Variants in LIPH observed in about 807,000 individuals in gnomAD.
LIPH encodes lipase member H.
LIPH carries 32 observed loss-of-function variants against 47.6 expected under a neutral mutation model. The ratio of observed to expected loss-of-function variants is 0.67; its 90% CI spans 0.51 to 0.90. The LOEUF is 0.90. Among genes scored for constraint, LIPH ranks in the 40% least tolerant of loss-of-function variants. LIPH has a pLI of 0.00. For missense variants in LIPH, 497 were observed against 541.4 expected, an observed-to-expected ratio of 0.92 and a Z score of 0.81; for synonymous variants, 190 against 195.6, an observed-to-expected ratio of 0.97 and a Z score of 0.24.
intron 6 of LIPH, among the ~76,000 whole-genome samples, chr3:185,518,261 T>C (rs893099941): frequency 1.6e-4 from 24 of 152,166 alleles, no homozygotes; most frequent in African/African-American, 5.6e-4. Context: ...GCTTTTCTTT[T>C]CTTTTTTCTT....
At chr3:185,517,917 T>C (rs1028264615) in intron 6 of LIPH, among the ~76,000 whole-genome samples, 1 of 152,138 alleles carries the variant, frequency 6.6e-6, no homozygotes, top group Non-Finnish European at 1.5e-5. Context: ...TACTAATCCC[T>C]AGCGAATATC....
chr3:185,540,734 A>G (rs565173143), intron 1 of LIPH, among the ~76,000 whole-genome samples: 202 of 152,230 alleles, frequency 1.3e-3, no homozygotes, highest in African/African-American at 3.9e-3. Flanking sequence ...CCAAAAAAAA[A>G]AAAAAAAGAA....
At chr3:185,515,505 G>A (rs990524823) in intron 7 of LIPH, among the ~76,000 whole-genome samples, 2 of 151,044 alleles carry the variant, frequency 1.3e-5, no homozygotes, top group African/African-American at 4.9e-5. Context: ...GAAACCCAGT[G>A]ATCTGCAGGC....
At chr3:185,525,059 A>G (rs982459693) in intron 4 of LIPH, among the ~76,000 whole-genome samples, 1 of 151,934 alleles carries the variant, frequency 6.6e-6, no homozygotes, top group African/African-American at 2.4e-5. Flanking sequence ...TACAAAATAT[A>G]CAAAAATTAG....
At chr3:185,524,015 C>T in intron 5 of LIPH, 56 bp downstream of exon 5, 2 of 1,227,680 alleles carry the variant, frequency 1.6e-6, no homozygotes, top group Non-Finnish European at 2.4e-6. Flanking sequence ...AGCCACCATG[C>T]ACAGCCTCCA....
At chr3:185,534,671 C>T (rs994804586) in intron 2 of LIPH, 94 bp downstream of exon 2, 14 of 1,302,342 alleles carry the variant, frequency 1.1e-5, no homozygotes, top group Admixed American at 1.8e-5. Context: ...GCAATATAGG[C>T]CTCCTGCTCA....
intron 1 of LIPH, among the ~76,000 whole-genome samples, chr3:185,538,396 A>G (rs187331138): frequency 1.3e-5 from 2 of 152,304 alleles, no homozygotes; most frequent in Admixed American, 1.3e-4. Flanking sequence ...GTGTCATATA[A>G]AAGAGATAGA....
chr3:185,519,341 A>AG (rs1169479784), intron 5 of LIPH, 32 bp from the exon 6 acceptor site: 1 of 1,456,194 alleles, frequency 6.9e-7, no homozygotes, highest in Admixed American at 1.7e-5. Context: ...GAAAGAGTAG[A>AG]GCGGTTGAAG....
At chr3:185,527,369 A>G in intron 4 of LIPH, 115 bp downstream of exon 4, 1 of 821,102 alleles carries the variant, frequency 1.2e-6, no homozygotes, top group East Asian at 2.5e-5. Flanking sequence ...CCCTGCCTGG[A>G]AAAAAAAGTT....
At chr3:185,516,330 T>A (rs1236406676) in intron 7 of LIPH, among the ~76,000 whole-genome samples, 2 of 150,964 alleles carry the variant, frequency 1.3e-5, no homozygotes, top group African/African-American at 4.9e-5. Flanking sequence ...GTACTCGGAA[T>A]CCTGAGGCAG....
At chr3:185,533,716 G>A (rs1720413218) in intron 2 of LIPH, 37 bp from the exon 3 acceptor site, 1 of 1,322,706 alleles carries the variant, frequency 7.6e-7, no homozygotes, top group Non-Finnish European at 1.1e-6. Flanking sequence ...TAAATTGTAA[G>A]GGGCCAAGGA....
At chr3:185,534,742 A>G in intron 2 of LIPH, 23 bp downstream of exon 2, 1 of 1,611,906 alleles carries the variant, frequency 6.2e-7, no homozygotes, top group Non-Finnish European at 8.5e-7. Context: ...TTAGCTCTGA[A>G]TCATCTAAGA....
chr3:185,515,297 T>G (rs530624481), intron 7 of LIPH, among the ~76,000 whole-genome samples: 1 of 149,986 alleles, frequency 6.7e-6, no homozygotes, highest in East Asian at 1.9e-4. Context: ...TAATGTCTTA[T>G]GGGTTTTTTT....
chr3:185,531,449 G>A (rs1403697092), intron 3 of LIPH, among the ~76,000 whole-genome samples: 1 of 151,484 alleles, frequency 6.6e-6, no homozygotes, highest in African/African-American at 2.4e-5. Context: ...GAGAGGCTGA[G>A]ATGGGAGCCT....
chr3:185,534,343 A>G (rs1720434984), intron 2 of LIPH, among the ~76,000 whole-genome samples: 1 of 151,588 alleles, frequency 6.6e-6, no homozygotes, highest in Admixed American at 6.6e-5. Context: ...TGACAGAACG[A>G]GATTCCGTCT....
chr3:185,533,701 C>A (rs1720412703), intron 2 of LIPH, 22 bp from the exon 3 acceptor site: 9 of 1,501,636 alleles, frequency 6.0e-6, no homozygotes, highest in Non-Finnish European at 8.4e-6. Flanking sequence ...AGAGGTCCAT[C>A]ATTGTAAATT....
At chr3:185,535,171 C>T (rs1167428179) in intron 1 of LIPH, 39 bp from the exon 2 acceptor site, 22 of 1,609,490 alleles carry the variant, frequency 1.4e-5, no homozygotes, top group African/African-American at 2.7e-5. Flanking sequence ...ACAGGTCTTT[C>T]CTTAGCTGGG....
At chr3:185,532,455 G>A (rs1013133977) in intron 3 of LIPH, among the ~76,000 whole-genome samples, 5 of 151,612 alleles carry the variant, frequency 3.3e-5, no homozygotes, top group African/African-American at 7.3e-5. Context: ...TGAGGCTGCA[G>A]TGAGCTGCAT....
At chr3:185,531,903 G>A (rs1226331251) in intron 3 of LIPH, among the ~76,000 whole-genome samples, 4 of 152,102 alleles carry the variant, frequency 2.6e-5, no homozygotes, top group African/African-American at 7.2e-5. Context: ...GCAGTGGCAC[G>A]ATCATAGCTC....
Sources: allele counts gnomAD v4.1 joint callset (sites outside exome capture counted in the v4.1 genomes callset), GRCh38; gene constraint gnomAD v4.1.1; transcripts MANE v1.5; gene names NCBI Gene and HGNC (gene_info 2026-07-23, HGNC 2026-07-21).